The following CEP15 variants were observed in gnomAD, a reference collection of about 807,000 sequenced individuals.
The protein encoded by CEP15 is centrosomal protein 15, also known as centrosomal protein 15 kDa.
At chr3:62,324,056 G>T in the CEP15 span, 1 of 151,990 alleles carries the variant, frequency 6.6e-6, no homozygotes, top group Admixed American at 6.6e-5. Flanking sequence ...AAGAATTTTA[G>T]TGGCTCTACC....
the CEP15 span, among the ~76,000 whole-genome samples, chr3:62,330,825 A>T: frequency 2.0e-5 from 3 of 152,198 alleles, no homozygotes; most frequent in African/African-American, 7.2e-5. Flanking sequence ...ATAAATTTTT[A>T]AATTGAACAT....
At chr3:62,330,051 T>C in the CEP15 span, among the ~76,000 whole-genome samples, 4 of 152,164 alleles carry the variant, frequency 2.6e-5, no homozygotes, top group Non-Finnish European at 2.9e-5. Flanking sequence ...TTCCCCTAAA[T>C]TCATGGCTTT....
the CEP15 span, chr3:62,331,309 C>A: frequency 3.1e-6 from 5 of 1,610,084 alleles, no homozygotes; most frequent in Non-Finnish European, 4.2e-6. Flanking sequence ...ATATAAAATG[C>A]CGATATCTGT....
the CEP15 span, among the ~76,000 whole-genome samples, chr3:62,331,902 G>T: frequency 6.6e-6 from 1 of 152,092 alleles, no homozygotes; most frequent in Non-Finnish European, 1.5e-5. Flanking sequence ...ACTATATTTG[G>T]TATATGAATA....
the CEP15 span, chr3:62,335,001 T>G: frequency 1.3e-5 from 2 of 152,092 alleles, no homozygotes; most frequent in Non-Finnish European, 2.9e-5. Flanking sequence ...AACTTACTTC[T>G]CTTTAGTCAA....
the CEP15 span, among the ~76,000 whole-genome samples, chr3:62,328,630 C>T: frequency 6.6e-6 from 1 of 152,098 alleles, no homozygotes; most frequent in Non-Finnish European, 1.5e-5. Flanking sequence ...CCCTTTTCGC[C>T]CCCCTTTTTC....
the CEP15 span, chr3:62,335,914 C>G: frequency 6.6e-6 from 1 of 151,868 alleles, no homozygotes; most frequent in Admixed American, 6.6e-5. Flanking sequence ...TACAGTTTTT[C>G]TTTAAACTTG....
the CEP15 span, among the ~76,000 whole-genome samples, chr3:62,332,147 G>T: frequency 6.6e-6 from 1 of 151,994 alleles, no homozygotes; most frequent in Non-Finnish European, 1.5e-5. Context: ...CTTTTTCTTT[G>T]TTTGATTCTC....
At chr3:62,327,581 C>G in the CEP15 span, among the ~76,000 whole-genome samples, 2 of 152,120 alleles carry the variant, frequency 1.3e-5, no homozygotes, top group Non-Finnish European at 2.9e-5. Flanking sequence ...GGAACGTTGG[C>G]AGTCATTGAT....
the CEP15 span, among the ~76,000 whole-genome samples, chr3:62,320,940 C>T: frequency 6.6e-6 from 1 of 152,158 alleles, no homozygotes; most frequent in Admixed American, 6.5e-5. Flanking sequence ...GCCAGTCCTG[C>T]TCTTTGCTTT....
the CEP15 span, among the ~76,000 whole-genome samples, chr3:62,327,046 G>T: frequency 1.3e-5 from 2 of 152,080 alleles, no homozygotes; most frequent in African/African-American, 2.4e-5. Context: ...GTACTTGATT[G>T]ATAAGTCTCT....
the CEP15 span, among the ~76,000 whole-genome samples, chr3:62,329,918 G>A: frequency 2.0e-5 from 3 of 151,988 alleles, no homozygotes; most frequent in Admixed American, 1.3e-4. Context: ...GTAAAATCTC[G>A]GTATAATCGC....
chr3:62,332,775 T>C, the CEP15 span, among the ~76,000 whole-genome samples: 9 of 151,666 alleles, frequency 5.9e-5, no homozygotes, highest in African/African-American at 1.9e-4. Flanking sequence ...AACACACTAG[T>C]TGTATTTCAG....
At chr3:62,332,797 A>G in the CEP15 span, among the ~76,000 whole-genome samples, 1 of 152,054 alleles carries the variant, frequency 6.6e-6, no homozygotes, top group Non-Finnish European at 1.5e-5. Context: ...TCCTGATCTC[A>G]TCCCAGGTCA....
the CEP15 span, among the ~76,000 whole-genome samples, chr3:62,330,186 C>G: frequency 6.6e-6 from 1 of 152,124 alleles, no homozygotes; most frequent in African/African-American, 2.4e-5. Flanking sequence ...GCTCCCGCCG[C>G]TACCATCTGC....
chr3:62,334,074 T>G, the CEP15 span: 2 of 151,978 alleles, frequency 1.3e-5, no homozygotes, highest in African/African-American at 4.8e-5. The surrounding 1 kb of genome is among the most constrained non-coding windows in gnomAD (Gnocchi z 4.9). Flanking sequence ...ATTGCCAACC[T>G]TGTGAATGCA....
chr3:62,320,093 A>G, the CEP15 span, among the ~76,000 whole-genome samples: 2 of 152,234 alleles, frequency 1.3e-5, no homozygotes, highest in Admixed American at 6.5e-5. Flanking sequence ...TTGCACATGC[A>G]TAAGGGATGG....
chr3:62,330,834 A>G, the CEP15 span, among the ~76,000 whole-genome samples: 19 of 152,302 alleles, frequency 1.2e-4, no homozygotes, highest in African/African-American at 4.1e-4. Context: ...TAAATTGAAC[A>G]TTGAATAAAT....
At chr3:62,333,582 C>T in the CEP15 span, 10 of 530,988 alleles carry the variant, frequency 1.9e-5, no homozygotes, top group African/African-American at 1.6e-4. The surrounding 1 kb of genome is among the most constrained non-coding windows in gnomAD (Gnocchi z 4.0). Flanking sequence ...CATGAATTTG[C>T]TTTCTACCAA....
Sources: gnomAD v4.1 joint callset for allele counts (sites outside exome capture counted in the v4.1 genomes callset) on GRCh38, gnomAD v4.1.1 for gene constraint, Gnocchi (gnomAD v3.1) non-coding constraint, MANE v1.5 for transcripts, NCBI Gene and HGNC (gene_info 2026-07-23, HGNC 2026-07-21) for gene names.